Variants in PCDHGB3 observed in about 807,000 individuals in gnomAD.
PCDHGB3 encodes protocadherin gamma subfamily B, 3.
Under a neutral mutation model 59.2 loss-of-function variants are expected in PCDHGB3, and 40 were observed. The observed-to-expected ratio is 0.68, with a 90% CI of 0.52 to 0.88. The LOEUF (loss-of-function observed/expected upper bound fraction) is 0.88, where lower values mean the gene tolerates loss of function less well. Ranked by LOEUF, PCDHGB3 falls within the 40% of genes least tolerant of loss-of-function variation. The probability of loss-of-function intolerance (pLI) is 0.00; values close to 1 mark genes in which losing one functional copy is unlikely to be tolerated. For synonymous variants in PCDHGB3, 581 were observed against 503.6 expected (o/e 1.15, Z -2.06); for missense variants, 1,309 against 1,187.9 (o/e 1.10, Z -1.50).
intron 1 of PCDHGB3, chr5:141,403,680 C>A: frequency 6.2e-7 from 1 of 1,613,846 alleles, no homozygotes; most frequent in Non-Finnish European, 8.5e-7. Context: ...CCGGTTTTTG[C>A]TCAACGGATT....
At chr5:141,504,135 C>G (rs758903340) in intron 2 of PCDHGB3, among the ~76,000 whole-genome samples, 215 of 152,306 alleles carry the variant, frequency 1.4e-3, no homozygotes, top group Middle Eastern at 3.4e-3. Context: ...CCCGCCAACA[C>G]TCCCCTGCAA....
At chr5:141,506,962 G>A (rs2099857578) in intron 3 of PCDHGB3, 1 of 152,196 alleles carries the variant, frequency 6.6e-6, no homozygotes, top group Non-Finnish European at 1.5e-5. Context: ...CCTCTCAATA[G>A]CTCTGCAAGG....
chr5:141,423,177 C>G (rs748689237), intron 1 of PCDHGB3: 7 of 1,613,430 alleles, frequency 4.3e-6, no homozygotes, highest in Non-Finnish European at 5.1e-6. Context: ...TCCAGGACCA[C>G]GGCCAGCCCC....
In PCDHGB3 at chr5:141,372,328, C is replaced by A. The variant is rs1170186099; in HGVS notation, c.1934C>A (p.Thr645Asn). ...REAARQRLLV[T>N]VRDGGQQPLS... ...GCCGCCCGCCAGCGCCTGCTGGTCA[C>A]TGTGCGTGATGGAGGACAGCAGCCT... The change falls in exon 1 of 4, where the codon ACT becomes AAT. Residue 645 changes from threonine (T) to asparagine (N), a missense_variant. By Grantham distance (65) the Thr-to-Asn change is moderately conservative. Coordinates refer to ENST00000576222, the MANE Select transcript of PCDHGB3 (RefSeq NM_018924.5). 4 of 1,613,626 alleles carry A rather than the reference C, an allele frequency of 2.5e-6. No homozygotes were observed. In the South Asian group the frequency reaches 4.4e-5, roughly 18 times the overall value.
chr5:141,455,817 A>G (rs1251279680), intron 1 of PCDHGB3, among the ~76,000 whole-genome samples: 3 of 151,882 alleles, frequency 2.0e-5, no homozygotes, highest in Non-Finnish European at 4.4e-5. Flanking sequence ...AAAACTTCCC[A>G]AGGACCCCTT....
chr5:141,443,136 C>T (rs910953831), intron 1 of PCDHGB3, among the ~76,000 whole-genome samples: 1 of 152,160 alleles, frequency 6.6e-6, no homozygotes, highest in African/African-American at 2.4e-5. Context: ...AGAACACTAT[C>T]ATAAGTTATA....
At position 141,383,548 on chromosome 5, in the gene PCDHGB3, G is replaced by A. The variant is rs768977528; in HGVS notation, c.2415+10739G>A. 33 of 1,612,508 alleles carry A rather than the reference G, an allele frequency of 2.0e-5. 1 individual carries two copies. In the Admixed American group the frequency reaches 2.3e-4, roughly 11 times the overall value. ...CCACCTGGTCCTCACAGCCTCTGATGGCGGCGACCCGCCCCGATCCAGCAC... is the reference window on the plus strand; with the variant it reads ...CCACCTGGTCCTCACAGCCTCTGATAGCGGCGACCCGCCCCGATCCAGCAC... On this transcript the variant is annotated intron_variant, in intron 1 of 3. Coordinates refer to ENST00000576222, the MANE Select transcript of PCDHGB3 (RefSeq NM_018924.5).
intron 2 of PCDHGB3, among the ~76,000 whole-genome samples, chr5:141,501,049 A>G (rs1458722311): frequency 1.3e-5 from 2 of 151,844 alleles, no homozygotes; most frequent in African/African-American, 2.4e-5. Flanking sequence ...TTGTATTTTT[A>G]GTAGAGACGG....
chr5:141,455,104 G>A (rs2098813087), intron 1 of PCDHGB3, among the ~76,000 whole-genome samples: 1 of 151,888 alleles, frequency 6.6e-6, no homozygotes, highest in East Asian at 1.9e-4. Flanking sequence ...GAGCCACTGC[G>A]CCCGGTGGGT....
At chr5:141,410,683 A>G (rs775289402) in intron 1 of PCDHGB3, 2 of 1,528,162 alleles carry the variant, frequency 1.3e-6, no homozygotes. Flanking sequence ...TATTTTAGGC[A>G]TACTACTTTA....
intron 1 of PCDHGB3, chr5:141,478,753 G>A (rs2099475642): frequency 2.0e-6 from 3 of 1,519,424 alleles, no homozygotes; most frequent in Admixed American, 2.1e-5. Context: ...ATTTCAGGGG[G>A]AAGATACTTG....
intron 1 of PCDHGB3, among the ~76,000 whole-genome samples, chr5:141,380,760 A>C (rs1264111789): frequency 6.6e-6 from 1 of 152,232 alleles, no homozygotes; most frequent in Non-Finnish European, 1.5e-5. Context: ...AGACACTATA[A>C]ATTAATTGAG....
At chr5:141,393,189 A>G (rs1561640968) in intron 1 of PCDHGB3, 1 of 1,613,404 alleles carries the variant, frequency 6.2e-7, no homozygotes, top group Admixed American at 1.7e-5. Context: ...AATAATTGAT[A>G]TTAACGATAA....
chr5:141,408,958 T>A, intron 1 of PCDHGB3: 8 of 1,613,670 alleles, frequency 5.0e-6, no homozygotes, highest in Non-Finnish European at 6.8e-6. Flanking sequence ...TTAGTCTTAG[T>A]GAAAATCTGC....
intron 1 of PCDHGB3, chr5:141,414,330 G>T: frequency 6.2e-7 from 1 of 1,613,714 alleles, no homozygotes; most frequent in Non-Finnish European, 8.5e-7. Flanking sequence ...AGAATGGACA[G>T]GTAACCTGTT....
At chr5:141,483,790 AGTT>A (rs963139644) in intron 1 of PCDHGB3, among the ~76,000 whole-genome samples, 14 of 152,290 alleles carry the variant, frequency 9.2e-5, no homozygotes, top group African/African-American at 3.4e-4. Flanking sequence ...TAAGAACTCC[AGTT>A]GTTGCTGCTT....
rs775654786 is a variant in PCDHGB3 at position 141,491,718 on chromosome 5, G to A, written c.2416-3089G>A. Reference sequence around the variant, plus strand: ...GGAGCCAGGTGAGGGGCTCGGCGCCGCCCCGGGCGACCCCTGGGGGCGGCA... The same window carrying A: ...GGAGCCAGGTGAGGGGCTCGGCGCCACCCCGGGCGACCCCTGGGGGCGGCA... On this transcript the variant is annotated intron_variant, in intron 1 of 3. Coordinates refer to ENST00000576222, the MANE Select transcript of PCDHGB3 (RefSeq NM_018924.5). This position sits in a 1 kb window ranked among gnomAD's most constrained non-coding sequence, Gnocchi z 6.9. 1 of 1,607,600 alleles carries A rather than the reference G, an allele frequency of 6.2e-7. No homozygotes were observed. The highest frequency in any genetic ancestry group is 2.2e-5 in the East Asian group (1 of 44,690).
At chr5:141,446,365 G>T (rs2098499873) in intron 1 of PCDHGB3, among the ~76,000 whole-genome samples, 1 of 152,194 alleles carries the variant, frequency 6.6e-6, no homozygotes, top group Non-Finnish European at 1.5e-5. Flanking sequence ...GATGAGAATG[G>T]AAGACTAAAG....
At chr5:141,441,187 AT>A (rs1349788972) in intron 1 of PCDHGB3, 1 of 152,214 alleles carries the variant, frequency 6.6e-6, no homozygotes, top group Non-Finnish European at 1.5e-5. Context: ...TTCCACAATG[AT>A]TCCCAAAGAT....
Sources: allele counts gnomAD v4.1 joint callset (sites outside exome capture counted in the v4.1 genomes callset), GRCh38; gene constraint gnomAD v4.1.1; non-coding constraint Gnocchi (gnomAD v3.1); transcripts MANE v1.5; gene names NCBI Gene and HGNC (gene_info 2026-07-23, HGNC 2026-07-21).